The following LRRC8D variants were observed in gnomAD, a reference collection of about 807,000 sequenced individuals.
The protein encoded by LRRC8D is volume-regulated anion channel subunit LRRC8D.
Under a neutral mutation model 55.8 loss-of-function variants are expected in LRRC8D, and 20 were observed. The observed-to-expected ratio is 0.36, with a 90% CI of 0.25 to 0.52. The LOEUF is 0.52. Among genes scored for constraint, LRRC8D ranks in the 20% least tolerant of loss-of-function variants. The probability of loss-of-function intolerance (pLI) is 0.93; values close to 1 mark genes in which losing one functional copy is unlikely to be tolerated. For missense variants in LRRC8D, 651 were observed against 1,030.8 expected (o/e 0.63, Z 5.05); for synonymous variants, 352 against 377.0 (o/e 0.93, Z 0.77).
intron 2 of LRRC8D, among the ~76,000 whole-genome samples, chr1:89,878,658 A>G (rs1662205040): frequency 6.6e-6 from 1 of 152,158 alleles, no homozygotes; most frequent in Non-Finnish European, 1.5e-5. Context: ...GAAGGAGGAT[A>G]TGGAAGTATA....
At chr1:89,842,214 GAAAA>G (rs55785953) in intron 1 of LRRC8D, among the ~76,000 whole-genome samples, 123 of 130,530 alleles carry the variant, frequency 9.4e-4, no homozygotes, top group Middle Eastern at 8.1e-3. Context: ...CTCTGTCTCA[GAAAA>G]AAAAAAAAAA....
chr1:89,870,401 G>A (rs535517075), intron 2 of LRRC8D, among the ~76,000 whole-genome samples: 38 of 151,666 alleles, frequency 2.5e-4, no homozygotes, highest in East Asian at 2.0e-4. Flanking sequence ...GCTTGAACCC[G>A]GGAGGCAGAG....
At chr1:89,871,432 A>AT (rs1662003887) in intron 2 of LRRC8D, among the ~76,000 whole-genome samples, 1 of 152,200 alleles carries the variant, frequency 6.6e-6, no homozygotes, top group Non-Finnish European at 1.5e-5. Flanking sequence ...TGGGGTTCAG[A>AT]TATTTAGCAG....
rs576872622 is a variant in LRRC8D, at chr1:89,900,421, C to T, written c.-2-32646C>T. 1.4e-3 allele frequency among the ~76,000 whole-genome samples: 216 copies of T among 151,244 alleles called. 1 individual carries two copies. Among genetic ancestry groups the T allele is most frequent in the Non-Finnish European group, 2.7e-3 (184 of 67,746 alleles). ...AGGTTAAAAAGTCATCGTCTGTTTT[C>T]TTAGTTTGCCTGATTTCTTAGTTTG... is the stretch of plus-strand genomic sequence containing the variant. On this transcript the variant is annotated intron_variant, in intron 2 of 2. Coordinates refer to ENST00000337338, the MANE Select transcript of LRRC8D (RefSeq NM_001134479.2).
intron 2 of LRRC8D, among the ~76,000 whole-genome samples, chr1:89,896,181 G>A (rs1162511640): frequency 1.3e-5 from 2 of 152,216 alleles, no homozygotes; most frequent in Admixed American, 6.5e-5. Context: ...AGGTAAGAGT[G>A]TGGGGAGAGG....
chr1:89,898,706 A>T (rs1229385655), intron 2 of LRRC8D, among the ~76,000 whole-genome samples: 2 of 152,246 alleles, frequency 1.3e-5, no homozygotes, highest in African/African-American at 4.8e-5. Flanking sequence ...ACACAGATAC[A>T]CATACACAAA....
chr1:89,861,805 C>T (rs1661725926), intron 2 of LRRC8D, among the ~76,000 whole-genome samples: 1 of 152,170 alleles, frequency 6.6e-6, no homozygotes, highest in Non-Finnish European at 1.5e-5. Context: ...GAAATCTATG[C>T]TGGTAACATT....
At chr1:89,897,159 A>G (rs1169816349) in intron 2 of LRRC8D, among the ~76,000 whole-genome samples, 1 of 152,240 alleles carries the variant, frequency 6.6e-6, no homozygotes, top group African/African-American at 2.4e-5. Context: ...TGATGTATGT[A>G]CATCTCTCTT....
At chr1:89,912,678 CATGTT>C (rs1322439331) in intron 2 of LRRC8D, among the ~76,000 whole-genome samples, 5 of 152,040 alleles carry the variant, frequency 3.3e-5, no homozygotes, top group Admixed American at 6.5e-5. Context: ...ATCATTCTAT[CATGTT>C]ATGTTTGTTT....
At chr1:89,891,625 A>G (rs1662582973) in intron 2 of LRRC8D, among the ~76,000 whole-genome samples, 1 of 152,192 alleles carries the variant, frequency 6.6e-6, no homozygotes, top group Admixed American at 6.5e-5. Flanking sequence ...TACATATATT[A>G]TTTGGAATTC....
intron 2 of LRRC8D, among the ~76,000 whole-genome samples, chr1:89,874,233 C>G (rs1328854669): frequency 6.6e-6 from 1 of 152,154 alleles, no homozygotes; most frequent in East Asian, 1.9e-4. Flanking sequence ...TGTGGCTTAT[C>G]AAGCTCATAA....
intron 2 of LRRC8D, among the ~76,000 whole-genome samples, chr1:89,849,878 C>A (rs1052437105): frequency 6.6e-6 from 1 of 152,098 alleles, no homozygotes; most frequent in South Asian, 2.1e-4. Flanking sequence ...ACAATAAAAT[C>A]TTTAGTTTTA....
At chr1:89,875,534 A>G (rs946081790) in intron 2 of LRRC8D, among the ~76,000 whole-genome samples, 1 of 152,212 alleles carries the variant, frequency 6.6e-6, no homozygotes, top group African/African-American at 2.4e-5. Flanking sequence ...TAATAACAAA[A>G]TTAAGCAAGA....
intron 2 of LRRC8D, among the ~76,000 whole-genome samples, chr1:89,893,538 G>GA (rs1244948014): frequency 6.6e-6 from 1 of 152,182 alleles, no homozygotes; most frequent in Non-Finnish European, 1.5e-5. Context: ...GAAAATACTG[G>GA]AAATTATGCA....
At chr1:89,829,966 A>G (rs965570168) in intron 1 of LRRC8D, among the ~76,000 whole-genome samples, 1 of 152,264 alleles carries the variant, frequency 6.6e-6, no homozygotes, top group Non-Finnish European at 1.5e-5. Context: ...TCATGTAAAG[A>G]TATACCTAAT....
Position 89,935,845 on chromosome 1 carries a change from CA to C in LRRC8D, c.*201del, listed in dbSNP as rs370878198. ...GGTTTTAAGTCATTCATTTCCAAATCATTTTTTTTTTTCTTTTGGGGAAAGG... is the reference window on the plus strand; with the variant it reads ...GGTTTTAAGTCATTCATTTCCAAATCTTTTTTTTTTTCTTTTGGGGAAAGG... On this transcript the variant is annotated 3_prime_UTR_variant, in exon 3 of 3. Transcript: ENST00000337338. 1.1e-4 allele frequency: 49 copies of C among 437,982 alleles called. No homozygotes were observed. The highest frequency in any genetic ancestry group is 4.8e-4 in the African/African-American group (23 of 47,558). The allele number at this position is 437,982 out of a possible 1,614,324, so 27.1% of individuals were successfully genotyped here.
intron 2 of LRRC8D, among the ~76,000 whole-genome samples, chr1:89,917,071 C>T (rs1295894929): frequency 6.6e-6 from 1 of 152,148 alleles, no homozygotes; most frequent in African/African-American, 2.4e-5. Flanking sequence ...CATTCTTATC[C>T]AGTATACTAC....
intron 2 of LRRC8D, among the ~76,000 whole-genome samples, chr1:89,880,456 ATTT>A (rs199892284): frequency 1.4e-5 from 2 of 138,568 alleles, no homozygotes; most frequent in African/African-American, 2.7e-5. Flanking sequence ...CCTAGGTTTG[ATTT>A]TTTTTTTTTT....
At position 89,933,276 on chromosome 1, in the gene LRRC8D, C is replaced by T; in HGVS notation, c.208C>T (p.Pro70Ser). 2.5e-6 allele frequency: 4 copies of T among 1,614,142 alleles called. No individual in the cohort carries two copies. Among genetic ancestry groups the T allele is most frequent in the Non-Finnish European group, 3.4e-6 (4 of 1,180,028 alleles). ...TGTAAATTCAAAGGCACATACACCACCAGGAAATGCCGAGGTCACCACCAA... is the reference window on the plus strand; with the variant it reads ...TGTAAATTCAAAGGCACATACACCATCAGGAAATGCCGAGGTCACCACCAA... ...SPVNSKAHTP[P>S]GNAEVTTNIP... The change falls in exon 3 of 3, where the codon CCA becomes TCA. Residue 70 changes from proline to serine, a missense_variant. Pro to Ser is a moderately conservative substitution (Grantham distance 74, BLOSUM62 -1). Coordinates refer to ENST00000337338, the MANE Select transcript of LRRC8D (RefSeq NM_001134479.2). The surrounding 1 kb of genome is among the most constrained non-coding windows in gnomAD (Gnocchi z 7.0).
Sources: gnomAD v4.1 joint callset for allele counts (sites outside exome capture counted in the v4.1 genomes callset) on GRCh38, gnomAD v4.1.1 for gene constraint, Gnocchi (gnomAD v3.1) non-coding constraint, MANE v1.5 for transcripts, NCBI Gene and HGNC (gene_info 2026-07-23, HGNC 2026-07-21) for gene names.